C1QTNF7: variants seen among roughly 807,000 people sequenced by gnomAD.
C1QTNF7 encodes the protein C1q and TNF related 7, also known as complement C1q tumor necrosis factor-related protein 7.
C1QTNF7 carries 15 observed loss-of-function variants against 19.6 expected under a neutral mutation model. The observed-to-expected ratio is 0.76, with a 90% CI of 0.51 to 1.18. The LOEUF is 1.18. Ranked by LOEUF, C1QTNF7 falls within the 50% of genes most tolerant of loss-of-function variation. The pLI, the probability that C1QTNF7 is intolerant of heterozygous loss-of-function variation, is 0.00. For synonymous variants in C1QTNF7, 142 were observed against 137.5 expected, an observed-to-expected ratio of 1.03 and a Z score of -0.23; for missense variants, 324 against 359.7, an observed-to-expected ratio of 0.90 and a Z score of 0.80.
At chr4:15,418,774 T>C in intron 1 of C1QTNF7, among the ~76,000 whole-genome samples, 1 of 152,224 alleles carries the variant, frequency 6.6e-6, no homozygotes, top group East Asian at 1.9e-4. Flanking sequence ...TTTTTCCATC[T>C]GAAGAATGCA....
intron 1 of C1QTNF7, among the ~76,000 whole-genome samples, chr4:15,407,840 C>A (rs908209506): frequency 6.6e-6 from 1 of 152,068 alleles, no homozygotes; most frequent in African/African-American, 2.4e-5. Flanking sequence ...GCAAGAGAAT[C>A]GCTTGAACCC....
chr4:15,399,671 T>A (rs1303643786), intron 1 of C1QTNF7, among the ~76,000 whole-genome samples: 1 of 152,248 alleles, frequency 6.6e-6, no homozygotes, highest in Non-Finnish European at 1.5e-5. Flanking sequence ...AAACACTTCA[T>A]TTTAACTGTT....
At chr4:15,394,459 T>C (rs373361379) in intron 1 of C1QTNF7, among the ~76,000 whole-genome samples, 4 of 152,282 alleles carry the variant, frequency 2.6e-5, no homozygotes, top group African/African-American at 9.6e-5. Context: ...TTGCAGAAAA[T>C]AGGTATGTTT....
chr4:15,386,814 TG>T (rs1446385207), intron 1 of C1QTNF7, among the ~76,000 whole-genome samples: 1 of 151,748 alleles, frequency 6.6e-6, no homozygotes, highest in Non-Finnish European at 1.5e-5. Context: ...AGAGATAGGG[TG>T]GCCAGAGTTG....
chr4:15,392,699 A>G (rs1468684604), intron 1 of C1QTNF7, among the ~76,000 whole-genome samples: 1 of 152,206 alleles, frequency 6.6e-6, no homozygotes, highest in African/African-American at 2.4e-5. Context: ...ATTCCGTGTG[A>G]GTCTGTTTTG....
intron 1 of C1QTNF7, among the ~76,000 whole-genome samples, chr4:15,420,323 G>T (rs553839522): frequency 2.0e-5 from 3 of 152,304 alleles, no homozygotes; most frequent in African/African-American, 7.2e-5. Context: ...TCAAGAAATT[G>T]CTTAGGAGTT....
chr4:15,407,913 G>T (rs547917913), intron 1 of C1QTNF7, among the ~76,000 whole-genome samples: 3 of 151,884 alleles, frequency 2.0e-5, no homozygotes, highest in Non-Finnish European at 2.9e-5. Flanking sequence ...TGACAAGAGC[G>T]AAACTCTGTC....
chr4:15,341,312 C>A (rs1168847630), intron 1 of C1QTNF7, among the ~76,000 whole-genome samples: 1 of 152,134 alleles, frequency 6.6e-6, no homozygotes, highest in African/African-American at 2.4e-5. Context: ...ATTTGAGGGC[C>A]GCCTGGGACC....
At chr4:15,426,166 G>A (rs1386151046), upstream of C1QTNF7, among the ~76,000 whole-genome samples, 1 of 152,168 alleles carries the variant, frequency 6.6e-6, no homozygotes, top group East Asian at 1.9e-4. Context: ...AGCACAAGTT[G>A]AGAAAGGAAG....
At chr4:15,385,962 G>C (rs1048717368) in intron 1 of C1QTNF7, among the ~76,000 whole-genome samples, 3 of 152,206 alleles carry the variant, frequency 2.0e-5, no homozygotes, top group Non-Finnish European at 2.9e-5. Context: ...TTTCACTAAG[G>C]ACAGTTCTAT....
At chr4:15,340,291 A>G in intron 1 of C1QTNF7, 1 of 1,467,790 alleles carries the variant, frequency 6.8e-7, no homozygotes, top group South Asian at 1.3e-5. Context: ...GAACTTAAGA[A>G]AGCTCCTTGT....
At chr4:15,401,281 T>C (rs1387126148) in intron 1 of C1QTNF7, among the ~76,000 whole-genome samples, 1 of 152,116 alleles carries the variant, frequency 6.6e-6, no homozygotes, top group Non-Finnish European at 1.5e-5. Context: ...GGAGCGACCT[T>C]GCAGCCACAA....
chr4:15,381,004 C>A (rs534219236), intron 1 of C1QTNF7, among the ~76,000 whole-genome samples: 143 of 152,056 alleles, frequency 9.4e-4, no homozygotes, highest in Non-Finnish European at 1.8e-3. Context: ...AGTGACTCAA[C>A]AAACCATACT....
intron 1 of C1QTNF7, among the ~76,000 whole-genome samples, chr4:15,343,950 G>A (rs1577224485): frequency 6.6e-6 from 1 of 152,340 alleles, no homozygotes; most frequent in Non-Finnish European, 1.5e-5. Context: ...GCAGAGTAAG[G>A]TTTCAAACTC....
At chr4:15,345,870 A>C (rs1472834350) in intron 1 of C1QTNF7, among the ~76,000 whole-genome samples, 1 of 152,212 alleles carries the variant, frequency 6.6e-6, no homozygotes, top group African/African-American at 2.4e-5. Context: ...CCTATTGTTT[A>C]GATGAGGAGA....
intron 1 of C1QTNF7, among the ~76,000 whole-genome samples, chr4:15,388,617 T>C (rs1311510107): frequency 4.6e-5 from 7 of 152,236 alleles, no homozygotes; most frequent in African/African-American, 1.7e-4. Context: ...GCTGTAGTTA[T>C]TGGTAATGAC....
chr4:15,348,393 A>C (rs551106751), intron 1 of C1QTNF7, among the ~76,000 whole-genome samples: 14 of 152,282 alleles, frequency 9.2e-5, no homozygotes, highest in African/African-American at 3.1e-4. Context: ...TCGGTTTGGA[A>C]TGATTTGTAC....
At chr4:15,345,129 C>G (rs538758612) in intron 1 of C1QTNF7, among the ~76,000 whole-genome samples, 1 of 152,324 alleles carries the variant, frequency 6.6e-6, no homozygotes, top group East Asian at 1.9e-4. Flanking sequence ...CAACATAAAT[C>G]TGATTCCAAG....
chr4:15,398,284 T>C (rs2108905301), intron 1 of C1QTNF7, among the ~76,000 whole-genome samples: 1 of 152,320 alleles, frequency 6.6e-6, no homozygotes, highest in Admixed American at 6.5e-5. Flanking sequence ...AGAGATCTAA[T>C]GAATCATAGC....
Sources: allele counts gnomAD v4.1 joint callset (sites outside exome capture counted in the v4.1 genomes callset), GRCh38; gene constraint gnomAD v4.1.1; transcripts MANE v1.5; gene names NCBI Gene and HGNC (gene_info 2026-07-23, HGNC 2026-07-21).